Variants in TARBP2 observed in about 807,000 individuals in gnomAD.
TARBP2 encodes TARBP2 subunit of RISC loading complex.
Under a neutral mutation model 40.4 loss-of-function variants are expected in TARBP2, and 23 were observed. The ratio of observed to expected loss-of-function variants is 0.57; its 90% CI spans 0.41 to 0.81. The LOEUF is 0.81. TARBP2 is among the 30% of genes least tolerant of loss of function. The probability of loss-of-function intolerance (pLI) is 0.00; values close to 1 mark genes in which losing one functional copy is unlikely to be tolerated. For synonymous variants in TARBP2, 183 were observed against 190.5 expected, an observed-to-expected ratio of 0.96 and a Z score of 0.32; for missense variants, 358 against 473.7, an observed-to-expected ratio of 0.76 and a Z score of 2.27.
Position 53,505,174 on chromosome 12 carries a change from C to T in TARBP2, c.653C>T (p.Ala218Val), listed in dbSNP as rs990309686. Residue 218 changes from alanine (A) to valine (V), a missense_variant, in exon 7 of 9, where the codon GCG becomes GTG. Physicochemically the swap from Ala to Val is moderately conservative, Grantham distance 64 (BLOSUM62 0). Coordinates refer to ENST00000266987, the MANE Select transcript of TARBP2 (RefSeq NM_134323.2). This position sits in a 1 kb window ranked among gnomAD's most constrained non-coding sequence, Gnocchi z 4.5. ...AAAAAATTGGCAAAGCGGAATGCGGCGGCCAAAATGCTGCTTCGAGTGCAC... is the reference window on the plus strand; with the variant it reads ...AAAAAATTGGCAAAGCGGAATGCGGTGGCCAAAATGCTGCTTCGAGTGCAC... ...TSKKLAKRNA[A>V]AKMLLRVHTV... 1 of 1,611,494 alleles carries T rather than the reference C, an allele frequency of 6.2e-7. No homozygotes were observed. Among genetic ancestry groups the T allele is most frequent in the Non-Finnish European group, 8.5e-7 (1 of 1,177,838 alleles).
Position 53,502,161 on chromosome 12 carries a change from C to G in TARBP2, c.200C>G (p.Thr67Ser). ...CAGCCTAATTTCACCTTCCGGGTCA[C>G]CGTTGGCGACACCAGCTGCACTGGT... is the stretch of plus-strand genomic sequence containing the variant. ...AHQPNFTFRV[T>S]VGDTSCTGQG... Residue 67 changes from threonine to serine, a missense_variant, in exon 2 of 9, where the codon ACC becomes AGC. By Grantham distance (58) the Thr-to-Ser change is moderately conservative (BLOSUM62 1). Coordinates refer to ENST00000266987, the MANE Select transcript of TARBP2 (RefSeq NM_134323.2). 6.2e-7 allele frequency: 1 copy of G among 1,614,220 alleles called. No individual in the cohort carries two copies. Among genetic ancestry groups the G allele is most frequent in the Non-Finnish European group, 8.5e-7 (1 of 1,180,042 alleles).
At chr12:53,504,349 C>T (rs761521018) in intron 4 of TARBP2, 48 bp from the exon 5 acceptor site, 12 of 1,500,456 alleles carry the variant, frequency 8.0e-6, no homozygotes, top group Admixed American at 2.3e-5. Context: ...TGGGCAGGCT[C>T]AGATGGAACC....
chr12:53,505,202 G>A lies in TARBP2; in HGVS notation c.681G>A (p.Thr227=), dbSNP rs112692079. 26 of 1,610,824 alleles carry A rather than the reference G, an allele frequency of 1.6e-5. No individual in the cohort carries two copies. Among genetic ancestry groups the A allele is most frequent in the African/African-American group, 1.5e-4 (11 of 74,872 alleles). ...AAAKMLLRVH[T]VPLDARDGNE... ...CCAAAATGCTGCTTCGAGTGCACACGGTGCCTCTGGATGCCCGGGATGGCA... is the reference window on the plus strand; with the variant it reads ...CCAAAATGCTGCTTCGAGTGCACACAGTGCCTCTGGATGCCCGGGATGGCA... Residue 227 remains threonine (T), a synonymous_variant, in exon 7 of 9, where the codon ACG becomes ACA. Transcript: ENST00000266987. This position sits in a 1 kb window ranked among gnomAD's most constrained non-coding sequence, Gnocchi z 4.5.
intron 3 of TARBP2, 169 bp from the exon 4 acceptor site, chr12:53,503,544 T>G (rs974309842): frequency 1.3e-5 from 8 of 610,422 alleles, no homozygotes; most frequent in Admixed American, 8.9e-5. Context: ...TCGCCGGTGT[T>G]TGGCAGCAAA....
intron 3 of TARBP2, 76 bp from the exon 4 acceptor site, chr12:53,503,637 G>A (rs1460482571): frequency 4.0e-5 from 43 of 1,070,320 alleles, no homozygotes; most frequent in Non-Finnish European, 5.8e-5. Flanking sequence ...TGGGAGGTCA[G>A]GAGGACGTGG....
Position 53,505,029 on chromosome 12 carries a change from C to T in TARBP2, c.614-106C>T. The T allele has an allele frequency of 6.6e-7, 1 of 1,525,768 alleles. No individual in the cohort carries two copies. Among genetic ancestry groups the T allele is most frequent in the Non-Finnish European group, 8.8e-7 (1 of 1,130,558 alleles). 94.5% of individuals were successfully genotyped at this position (1,525,768 alleles called of 1,614,324 possible). On this transcript the variant is annotated intron_variant, in intron 6 of 8. Transcript: ENST00000266987. This position sits in a 1 kb window ranked among gnomAD's most constrained non-coding sequence, Gnocchi z 4.5. ...CGTGCATGGGCAGGTCTTGAGTTCCCCTTTCCAGTTGACATTCTGGGGGGA... is the reference window on the plus strand; with the variant it reads ...CGTGCATGGGCAGGTCTTGAGTTCCTCTTTCCAGTTGACATTCTGGGGGGA...
rs570498283 is a variant in TARBP2, at chr12:53,505,954, C to A, written c.944-37C>A. 18 of 1,607,128 alleles carry A rather than the reference C, an allele frequency of 1.1e-5. 1 individual carries two copies. The South Asian group carries it at 1.4e-4, about 13-fold the overall frequency. On this transcript the variant is annotated intron_variant, in intron 8 of 8. Coordinates refer to ENST00000266987, the MANE Select transcript of TARBP2 (RefSeq NM_134323.2). The surrounding 1 kb of genome is among the most constrained non-coding windows in gnomAD (Gnocchi z 4.5). ...ACGCACCCCTCCCCAGGGCTACCTC[C>A]CCCAACATTGCCTCCCTCCTCTCTC...
Position 53,503,144 on chromosome 12 carries a change from G to A in TARBP2, c.326+15G>A. 2.6e-6 allele frequency: 4 copies of A among 1,541,794 alleles called. No individual in the cohort carries two copies. Among genetic ancestry groups the A allele is most frequent in the Admixed American group, 2.0e-5 (1 of 50,100 alleles). On this transcript the variant is annotated intron_variant, in intron 3 of 8. Coordinates refer to ENST00000266987, the MANE Select transcript of TARBP2 (RefSeq NM_134323.2). ...GAGGACAGCAGGTGAGGGAGGAACC[G>A]AGGCATCCCAGAAGCCCTTCAAGGA...
At chr12:53,504,940 G>C (rs1185826721) in intron 6 of TARBP2, 125 bp downstream of exon 6, 4 of 1,433,956 alleles carry the variant, frequency 2.8e-6, no homozygotes, top group Non-Finnish European at 3.8e-6. Flanking sequence ...CCCTAGCTCA[G>C]CCCCTTCCTT....
Position 53,505,869 on chromosome 12 carries a change from C to T in TARBP2, c.943+19C>T, listed in dbSNP as rs760079719. ...GATATTGGTATGGCTAGCTGGGGAGCGAGCCAGGGGATGGTGGGGGCTGGA... is the reference window on the plus strand; with the variant it reads ...GATATTGGTATGGCTAGCTGGGGAGTGAGCCAGGGGATGGTGGGGGCTGGA... On this transcript the variant is annotated intron_variant, in intron 8 of 8. Coordinates refer to ENST00000266987, the MANE Select transcript of TARBP2 (RefSeq NM_134323.2). This position sits in a 1 kb window ranked among gnomAD's most constrained non-coding sequence, Gnocchi z 4.5. 3.1e-5 allele frequency: 50 copies of T among 1,610,908 alleles called. No homozygotes were observed. Among genetic ancestry groups the T allele is most frequent in the Middle Eastern group, 1.6e-4 (1 of 6,072 alleles).
chr12:53,506,409 T>C lies in TARBP2; in HGVS notation c.*261T>C. The C allele has an allele frequency of 1.9e-6, 1 of 526,228 alleles. No individual in the cohort carries two copies. The highest frequency in any genetic ancestry group is 3.4e-6 in the Non-Finnish European group (1 of 297,650). The allele number at this position is 526,228 out of a possible 1,614,324, so 32.6% of individuals were successfully genotyped here. On this transcript the variant is annotated 3_prime_UTR_variant, in exon 9 of 9. Transcript: ENST00000266987. ...GCTGTCTACTAGAGCCTGGAATAAATATGCTGCTTTGTGGATTTTTAAGCC... is the reference window on the plus strand; with the variant it reads ...GCTGTCTACTAGAGCCTGGAATAAACATGCTGCTTTGTGGATTTTTAAGCC...
chr12:53,503,091 AG>A lies in TARBP2; in HGVS notation c.294del (p.Ser99AlafsTer16). ...CTGAGGTGGCCCTCAAACACCTCAA[AG>A]GGGGGAGCATGCTGGAGCCGGCCCT... ...AAEVALKHLK[G>X]GSMLEPALED... On this transcript the variant is annotated frameshift_variant, in exon 3 of 9. Coordinates refer to ENST00000266987, the MANE Select transcript of TARBP2 (RefSeq NM_134323.2). LOFTEE classifies it high-confidence loss of function. 2 of 1,550,886 alleles carry A rather than the reference AG, an allele frequency of 1.3e-6. No individual in the cohort carries two copies. The highest frequency in any genetic ancestry group is 8.7e-7 in the Non-Finnish European group (1 of 1,146,584).
rs556800782 is a variant in TARBP2 at position 53,505,628 on chromosome 12, T to C, written c.742-21T>C. 2 of 1,610,510 alleles carry C rather than the reference T, an allele frequency of 1.2e-6. No homozygotes were observed. Among genetic ancestry groups the C allele is most frequent in the Non-Finnish European group, 1.7e-6 (2 of 1,176,834 alleles). On this transcript the variant is annotated intron_variant, in intron 7 of 8. Coordinates refer to ENST00000266987, the MANE Select transcript of TARBP2 (RefSeq NM_134323.2). The surrounding 1 kb of genome is among the most constrained non-coding windows in gnomAD (Gnocchi z 4.5). ...CCCACAGTCTCTCGCTTCATCTTTCTCACTGTTCCCATCTTGACAGGGTGT... is the reference window on the plus strand; with the variant it reads ...CCCACAGTCTCTCGCTTCATCTTTCCCACTGTTCCCATCTTGACAGGGTGT...
chr12:53,504,144 T>C, intron 4 of TARBP2: 1 of 570,466 alleles, frequency 1.8e-6, no homozygotes, highest in Non-Finnish European at 3.1e-6. Flanking sequence ...CCCACTGTCC[T>C]GGCTTAGATG....
chr12:53,505,472 T>C lies in TARBP2; in HGVS notation c.742-177T>C, dbSNP rs1943932413. On this transcript the variant is annotated intron_variant, in intron 7 of 8. Coordinates refer to ENST00000266987, the MANE Select transcript of TARBP2 (RefSeq NM_134323.2). The surrounding 1 kb of genome is among the most constrained non-coding windows in gnomAD (Gnocchi z 4.5). ...GCTCTGTTACTGGGGTGAGGAGGGATCCCTGGCCATCTGGCCCAGGGCCTG... is the reference window on the plus strand; with the variant it reads ...GCTCTGTTACTGGGGTGAGGAGGGACCCCTGGCCATCTGGCCCAGGGCCTG... Among the ~76,000 whole-genome samples the C allele has an allele frequency of 6.6e-6, 1 of 152,138 alleles. No homozygotes were observed. The highest frequency in any genetic ancestry group is 2.4e-5 in the African/African-American group (1 of 41,430).
chr12:53,501,052 A>G (rs1943677767), upstream of TARBP2: 1 of 300,702 alleles, frequency 3.3e-6, no homozygotes, highest in Admixed American at 4.8e-5. Flanking sequence ...GCTAGTACGC[A>G]TGTCCACAGC....
intron 3 of TARBP2, 174 bp from the exon 4 acceptor site, chr12:53,503,539 G>A (rs1377938022): frequency 5.0e-6 from 3 of 601,154 alleles, no homozygotes; most frequent in Non-Finnish European, 8.8e-6. Context: ...TCTTTTCGCC[G>A]GTGTTTGGCA....
chr12:53,504,747 A>G lies in TARBP2; in HGVS notation c.545A>G (p.Gln182Arg). 6.2e-7 allele frequency: 1 copy of G among 1,614,132 alleles called. No homozygotes were observed. The highest frequency in any genetic ancestry group is 8.5e-7 in the Non-Finnish European group (1 of 1,180,022). Residue 182 changes from glutamine to arginine, a missense_variant, in exon 6 of 9, where the codon CAG becomes CGG. Physicochemically the swap from Gln to Arg is conservative, Grantham distance 43 (BLOSUM62 1). This residue lies in a region of TARBP2 where 317 missense variants were observed against 422.9 expected (regional missense o/e 0.75). Transcript: ENST00000266987. ...CGGTTGCCGGAGTACACAGTGACCCAGGAGTCTGGGCCAGCCCACCGCAAA... is the reference window on the plus strand; with the variant it reads ...CGGTTGCCGGAGTACACAGTGACCCGGGAGTCTGGGCCAGCCCACCGCAAA... ...GWRLPEYTVT[Q>R]ESGPAHRKEF...
intron 6 of TARBP2, 137 bp downstream of exon 6, chr12:53,504,952 T>TA: frequency 7.0e-7 from 1 of 1,431,768 alleles, no homozygotes; most frequent in Non-Finnish European, 9.6e-7. Context: ...CCCTTCCTTT[T>TA]AGCTTCTTGG....
Sources: gnomAD v4.1 joint callset for allele counts (sites outside exome capture counted in the v4.1 genomes callset) on GRCh38, gnomAD v4.1.1 for gene constraint, gnomAD v4.1.1 regional missense constraint, Gnocchi (gnomAD v3.1) non-coding constraint, MANE v1.5 for transcripts, NCBI Gene and HGNC (gene_info 2026-07-23, HGNC 2026-07-21) for gene names.